GFM2: variants seen among roughly 807,000 people sequenced by gnomAD.
GFM2 encodes the protein ribosome-releasing factor 2, mitochondrial.
A neutral mutation model predicts 95.4 loss-of-function variants in GFM2; 72 were observed. That is an observed-to-expected ratio of 0.76 (90% CI 0.62 to 0.92). The LOEUF is 0.92. Among genes scored for constraint, GFM2 ranks in the 40% least tolerant of loss-of-function variants. The pLI, the probability that GFM2 is intolerant of heterozygous loss-of-function variation, is 0.00. For synonymous variants in GFM2, 276 were observed against 317.5 expected (o/e 0.87, Z 1.39); for missense variants, 825 against 924.1 (o/e 0.89, Z 1.39).
At chr5:74,744,751 C>T (rs1383255888) in intron 10 of GFM2, among the ~76,000 whole-genome samples, 6 of 152,008 alleles carry the variant, frequency 3.9e-5, no homozygotes, top group Admixed American at 1.3e-4. Flanking sequence ...AAACTATTGC[C>T]CATGTGCACA....
At chr5:74,748,925 A>T (rs866307314) in intron 7 of GFM2, among the ~76,000 whole-genome samples, 3,346 of 136,464 alleles carry the variant, frequency 0.025, 137 homozygotes, top group African/African-American at 0.089. Context: ...AATAAAAAAA[A>T]ATAAAAAAAA....
intron 19 of GFM2, 37 bp downstream of exon 19, chr5:74,725,603 T>C (rs1750107946): frequency 7.3e-7 from 1 of 1,363,800 alleles, no homozygotes; most frequent in African/African-American, 1.4e-5. Flanking sequence ...CTCAGAAGAG[T>C]CACCTTAAAG....
chr5:74,752,730 A>G (rs974922559), intron 5 of GFM2, among the ~76,000 whole-genome samples: 2 of 152,214 alleles, frequency 1.3e-5, no homozygotes, highest in African/African-American at 4.8e-5. Flanking sequence ...AGCAAGTTCT[A>G]CAACAACCTG....
At chr5:74,727,321 ATCC>A (rs1214730717) in intron 17 of GFM2, among the ~76,000 whole-genome samples, 2 of 152,248 alleles carry the variant, frequency 1.3e-5, no homozygotes, top group Admixed American at 1.3e-4. Context: ...ATCATATGTT[ATCC>A]TCATTATTTT....
intron 5 of GFM2, among the ~76,000 whole-genome samples, chr5:74,757,298 T>C (rs1197497864): frequency 1.3e-5 from 2 of 152,146 alleles, no homozygotes; most frequent in Non-Finnish European, 2.9e-5. Flanking sequence ...ATTGTGTACA[T>C]GTCTAGTTTA....
intron 1 of GFM2, chr5:74,765,082 G>A (rs1471641400): frequency 8.0e-7 from 1 of 1,252,046 alleles, no homozygotes; most frequent in South Asian, 1.3e-5. Context: ...CACCATGCCT[G>A]GCCTTGAATC....
chr5:74,763,337 A>G (rs919670659), intron 2 of GFM2, among the ~76,000 whole-genome samples: 4 of 152,198 alleles, frequency 2.6e-5, no homozygotes, highest in African/African-American at 9.7e-5. Flanking sequence ...GATACTTAAT[A>G]TTACAAAGCA....
intron 1 of GFM2, among the ~76,000 whole-genome samples, chr5:74,766,632 ATCT>A (rs1744632908): frequency 6.6e-6 from 1 of 152,184 alleles, no homozygotes; most frequent in African/African-American, 2.4e-5. Flanking sequence ...CCAGAATGTT[ATCT>A]TCTTCTTTTC....
chr5:74,734,032 G>A (rs1346750824), intron 15 of GFM2, among the ~76,000 whole-genome samples: 1 of 152,072 alleles, frequency 6.6e-6, no homozygotes, highest in Non-Finnish European at 1.5e-5. Flanking sequence ...CTAAAGAAAA[G>A]AGCTGAGCAC....
intron 11 of GFM2, among the ~76,000 whole-genome samples, chr5:74,741,127 TAA>T (rs1175210032): frequency 9.9e-5 from 15 of 152,142 alleles, no homozygotes; most frequent in South Asian, 2.1e-4. Flanking sequence ...ATGAAAAATT[TAA>T]AAAGATTCAG....
intron 17 of GFM2, among the ~76,000 whole-genome samples, chr5:74,728,985 T>A (rs1305930909): frequency 6.6e-6 from 1 of 151,984 alleles, no homozygotes; most frequent in Non-Finnish European, 1.5e-5. Context: ...AACTCCAGAC[T>A]TCGTGATCTG....
chr5:74,758,921 G>A lies in GFM2; in HGVS notation c.232C>T (p.His78Tyr), dbSNP rs1460490813. The change falls in exon 5 of 21, where the codon CAT becomes TAT. Residue 78 changes from histidine to tyrosine, a missense_variant. By Grantham distance (83) the His-to-Tyr change is moderately conservative. Transcript: ENST00000296805. The part of the protein sequence containing the change: ...AKIRNIGIMA[H>Y]IDAGKTTTTE... ...GTGGTAGTTTTGCCTGCATCAATAT[G>A]AGCCATAATTCCAATATTACGGATT... 1.2e-6 allele frequency: 2 copies of A among 1,607,162 alleles called. No individual in the cohort carries two copies. Among genetic ancestry groups the A allele is most frequent in the Non-Finnish European group, 1.7e-6 (2 of 1,173,858 alleles).
intron 5 of GFM2, among the ~76,000 whole-genome samples, chr5:74,758,236 G>A (rs971977489): frequency 6.6e-6 from 1 of 152,042 alleles, no homozygotes; most frequent in African/African-American, 2.4e-5. Context: ...TACATTCCTA[G>A]GCAATATAAC....
chr5:74,731,209 C>T (rs766188428), intron 16 of GFM2, among the ~76,000 whole-genome samples: 3 of 152,190 alleles, frequency 2.0e-5, no homozygotes, highest in African/African-American at 4.8e-5. Context: ...TCTAAAAAAC[C>T]TTTCCCAACA....
In GFM2 at chr5:74,742,472, T is replaced by C. The variant is rs561922863; in HGVS notation, c.850-863A>G. ...CACAAAGATGATAGTAGTATCTACT[T>C]CTTGAGGCTGTTATAAAGATTAAAT... On this transcript the variant is annotated intron_variant, in intron 10 of 20. Coordinates refer to ENST00000296805, the MANE Select transcript of GFM2 (RefSeq NM_032380.5). Among the ~76,000 whole-genome samples, 22 of 152,274 alleles carry C rather than the reference T, an allele frequency of 1.4e-4. No individual in the cohort carries two copies. The South Asian group carries it at 3.7e-3, about 26-fold the overall frequency.
intron 15 of GFM2, among the ~76,000 whole-genome samples, chr5:74,735,959 T>G (rs566565087): frequency 1.1e-4 from 17 of 152,154 alleles, no homozygotes; most frequent in Non-Finnish European, 1.9e-4. Context: ...GCCAATGACA[T>G]AGAAGAAATC....
chr5:74,741,644 A>T, intron 10 of GFM2, 35 bp from the exon 11 acceptor site: 1 of 1,068,860 alleles, frequency 9.4e-7, no homozygotes, highest in Admixed American at 2.1e-5. Context: ...TATAACTTGC[A>T]TTTACTTTCA....
intron 7 of GFM2, among the ~76,000 whole-genome samples, 168 bp downstream of exon 7, chr5:74,750,411 G>A (rs541412815): frequency 3.9e-5 from 6 of 152,116 alleles, no homozygotes; most frequent in Non-Finnish European, 8.8e-5. Context: ...TGAAATATCT[G>A]AGATTACATG....
intron 17 of GFM2, among the ~76,000 whole-genome samples, chr5:74,726,380 G>A (rs1750149758): frequency 6.6e-6 from 1 of 152,036 alleles, no homozygotes; most frequent in African/African-American, 2.4e-5. Flanking sequence ...GATATGTTGA[G>A]GCACATGTTA....
Sources: allele counts gnomAD v4.1 joint callset (sites outside exome capture counted in the v4.1 genomes callset), GRCh38; gene constraint gnomAD v4.1.1; transcripts MANE v1.5; gene names NCBI Gene and HGNC (gene_info 2026-07-23, HGNC 2026-07-21).